The following CYFIP1 variants were observed in gnomAD, a reference collection of about 807,000 sequenced individuals.
The protein encoded by CYFIP1 is cytoplasmic FMR1 interacting protein 1.
A neutral mutation model predicts 163.5 loss-of-function variants in CYFIP1; 58 were observed. The ratio of observed to expected loss-of-function variants is 0.35; its 90% CI spans 0.29 to 0.44. CYFIP1 has a LOEUF of 0.44. Ranked by LOEUF, CYFIP1 falls within the 20% of genes least tolerant of loss-of-function variation. The pLI, the probability that CYFIP1 is intolerant of heterozygous loss-of-function variation, is 1.00. For missense variants in CYFIP1, 1,338 were observed against 1,653.8 expected (o/e 0.81, Z 3.31); for synonymous variants, 663 against 660.7 (o/e 1.00, Z -0.05).
rs181481286 is a variant in CYFIP1, at chr15:22,934,217, C to T, written c.901-324G>A. Among the ~76,000 whole-genome samples, 1,155 of 107,798 alleles carry T rather than the reference C, an allele frequency of 0.011. 43 individuals are homozygous for T. In the East Asian group the frequency reaches 0.16, roughly 14 times the overall value. 70.7% of individuals were successfully genotyped at this position (107,798 alleles called of 152,430 possible). On this transcript the variant is annotated intron_variant, in intron 9 of 30. Transcript: ENST00000617928. ...TTTTTTTTTTTTTGAGACAGAGTCT[C>T]GCTCTGTCGCCCAGGCTGGAGTGCA...
chr15:22,922,941 G>C (rs2061235211), intron 13 of CYFIP1, among the ~76,000 whole-genome samples: 1 of 151,608 alleles, frequency 6.6e-6, no homozygotes. Flanking sequence ...GCAGTGAGCT[G>C]AGATCATGCC....
At chr15:22,895,266 G>A (rs529471369) in intron 22 of CYFIP1, among the ~76,000 whole-genome samples, 11 of 152,058 alleles carry the variant, frequency 7.2e-5, no homozygotes, top group African/African-American at 2.4e-4. Context: ...TGTCTGCCTC[G>A]GCCTCCCAAA....
In CYFIP1 at chr15:22,917,379, CT is replaced by C; in HGVS notation, c.1674+408del. On this transcript the variant is annotated intron_variant, in intron 15 of 30. Transcript: ENST00000617928. The surrounding 1 kb of genome is among the most constrained non-coding windows in gnomAD (Gnocchi z 4.2). ...CACCAGGAGAGAGGACAGTGGGCAGCTTAGGACCATGACACACGCAAGCAGC... is the reference window on the plus strand; with the variant it reads ...CACCAGGAGAGAGGACAGTGGGCAGCTAGGACCATGACACACGCAAGCAGC... 1 of 1,062,410 alleles carries C rather than the reference CT, an allele frequency of 9.4e-7. No individual in the cohort carries two copies. The highest frequency in any genetic ancestry group is 1.2e-6 in the Non-Finnish European group (1 of 818,692). 65.8% of individuals were successfully genotyped at this position (1,062,410 alleles called of 1,614,324 possible).
At chr15:22,957,564 A>G (rs1208660365) in intron 1 of CYFIP1, among the ~76,000 whole-genome samples, 1 of 152,192 alleles carries the variant, frequency 6.6e-6, no homozygotes, top group South Asian at 2.1e-4. Flanking sequence ...TGAACCCAGG[A>G]GGCGGAGCTT....
Position 22,937,600 on chromosome 15 carries a change from T to TC in CYFIP1, c.796-393_796-392insG, listed in dbSNP as rs1555415333. 1.3e-5 allele frequency among the ~76,000 whole-genome samples: 2 copies of TC among 150,512 alleles called. 1 individual carries two copies. Among genetic ancestry groups the TC allele is most frequent in the African/African-American group, 4.9e-5 (2 of 41,124 alleles). On this transcript the variant is annotated intron_variant, in intron 8 of 30. Transcript: ENST00000617928. Reference sequence around the variant, plus strand: ...GGTGTATGCAAACTAAAAATTCTTTTTTTGTTTTTTTTTTTTGAGATGGAG... The same window carrying TC: ...GGTGTATGCAAACTAAAAATTCTTTTCTTTGTTTTTTTTTTTTGAGATGGAG...
chr15:22,916,649 C>T lies in CYFIP1; in HGVS notation c.1675-19G>A. 2 of 1,614,086 alleles carry T rather than the reference C, an allele frequency of 1.2e-6. No homozygotes were observed. The highest frequency in any genetic ancestry group is 1.7e-6 in the Non-Finnish European group (2 of 1,180,012). ...TGTAAAGCTGGATTATCCAAGGAAA[C>T]ATTTGTGGGGGAGAAAATATACATG... On this transcript the variant is annotated intron_variant, in intron 15 of 30. Coordinates refer to ENST00000617928, the MANE Select transcript of CYFIP1 (RefSeq NM_014608.6).
At chr15:22,957,086 G>A (rs1161909013) in intron 1 of CYFIP1, among the ~76,000 whole-genome samples, 2 of 152,270 alleles carry the variant, frequency 1.3e-5, no homozygotes, top group Non-Finnish European at 2.9e-5. Flanking sequence ...GCAGGCGGCA[G>A]TGCTGTGGCA....
Position 22,869,876 on chromosome 15 carries a change from AT to A in CYFIP1, c.*151del. The stretch of plus-strand genomic sequence containing the variant: ...GCATATACAATTTTAGTCTAGAAAA[AT>A]AAGTCAATTTTATAAAATTAAGTTT... On this transcript the variant is annotated 3_prime_UTR_variant, in exon 31 of 31. Transcript: ENST00000617928. 6.4e-6 allele frequency: 4 copies of A among 627,330 alleles called. No individual in the cohort carries two copies. The highest frequency in any genetic ancestry group is 9.5e-6 in the Non-Finnish European group (4 of 420,678). The allele number at this position is 627,330 out of a possible 1,614,324, so 38.9% of individuals were successfully genotyped here. A position where few individuals can be genotyped will look rare whatever the true frequency, so the allele number is the denominator to read the frequency against.
At chr15:22,970,014 ATTAG>A (rs1168521236) in intron 1 of CYFIP1, among the ~76,000 whole-genome samples, 7 of 152,318 alleles carry the variant, frequency 4.6e-5, no homozygotes, top group Non-Finnish European at 4.4e-5. Flanking sequence ...CATAATAATT[ATTAG>A]TTAGAGCTAA....
At position 22,964,353 on chromosome 15, in the gene CYFIP1, TCACACACACACACACACACA is replaced by T. The variant is rs71117466; in HGVS notation, c.-7+15914_-7+15933del. 2.9e-3 allele frequency among the ~76,000 whole-genome samples: 225 copies of T among 78,756 alleles called. 1 individual carries two copies. The highest frequency in any genetic ancestry group is 5.9e-3 in the South Asian group (11 of 1,866). 51.7% of individuals were successfully genotyped at this position (78,756 alleles called of 152,430 possible). A position where few individuals can be genotyped will look rare whatever the true frequency, so the allele number is the denominator to read the frequency against. On this transcript the variant is annotated intron_variant, in intron 1 of 30. Transcript: ENST00000617928. Reference sequence around the variant, plus strand: ...CCAGCAGACTCCGCAACCTCATCACTCACACACACACACACACACACACACACACACACACACACACACAC... The same window carrying T: ...CCAGCAGACTCCGCAACCTCATCACTCACACACACACACACACACACACAC...
Position 22,932,336 on chromosome 15 carries a change from T to C in CYFIP1, c.997A>G (p.Thr333Ala). 6.2e-7 allele frequency: 1 copy of C among 1,603,492 alleles called. No homozygotes were observed. Among genetic ancestry groups the C allele is most frequent in the Non-Finnish European group, 8.5e-7 (1 of 1,175,170 alleles). ...GGGCTGCTGCCGGAGGATGTGCACG[T>C]CCATCTGTGCAGAGAGAAAGCACCC... is the stretch of plus-strand genomic sequence containing the variant. ...AHYEENKSRW[T>A]CTSSGSSPQY... Residue 333 changes from threonine (T) to alanine (A), a missense_variant, in exon 11 of 31, where the codon ACG (threonine) becomes GCG (alanine). Transcript: ENST00000617928.
At chr15:22,969,174 G>C (rs1043834522) in intron 1 of CYFIP1, among the ~76,000 whole-genome samples, 1 of 152,160 alleles carries the variant, frequency 6.6e-6, no homozygotes, top group Non-Finnish European at 1.5e-5. Context: ...ATGTGAAGGG[G>C]AAAGCAAAGA....
chr15:22,876,622 G>A (rs1566915115), intron 26 of CYFIP1, among the ~76,000 whole-genome samples: 1 of 151,862 alleles, frequency 6.6e-6, no homozygotes, highest in African/African-American at 2.4e-5. Context: ...GCGGGAGGTC[G>A]GGAGTTCAAG....
intron 21 of CYFIP1, among the ~76,000 whole-genome samples, chr15:22,906,115 T>C (rs1001189595): frequency 2.6e-5 from 4 of 151,846 alleles, no homozygotes; most frequent in African/African-American, 9.7e-5. Flanking sequence ...ATTTATTTTT[T>C]TTTTTCTTTG....
At chr15:22,944,522 G>A (rs1228542388) in intron 5 of CYFIP1, 36 bp downstream of exon 5, 17 of 1,410,254 alleles carry the variant, frequency 1.2e-5, no homozygotes, top group Non-Finnish European at 1.6e-5. Context: ...CCCACCCCTC[G>A]GTGTTACACC....
chr15:22,939,067 G>A, intron 8 of CYFIP1, 125 bp downstream of exon 8: 3 of 1,228,460 alleles, frequency 2.4e-6, no homozygotes, highest in Non-Finnish European at 3.5e-6. Context: ...GCAGGACGCT[G>A]TTCACACATG....
At position 22,868,664 on chromosome 15, in the gene CYFIP1, A is replaced by C. The variant is rs926140844; in HGVS notation, c.*1364T>G. 2.1e-5 allele frequency: 3 copies of C among 142,852 alleles called. No individual in the cohort carries two copies. The highest frequency in any genetic ancestry group is 4.2e-4 in the East Asian group (2 of 4,796). 8.8% of individuals were successfully genotyped at this position (142,852 alleles called of 1,614,324 possible). On this transcript the variant is annotated 3_prime_UTR_variant, in exon 31 of 31. Transcript: ENST00000617928. ...ACTTGAGTGAGTTTGGCAGTGTAACAGGATGGTTCGTACACTTACTACTTT... is the reference window on the plus strand; with the variant it reads ...ACTTGAGTGAGTTTGGCAGTGTAACCGGATGGTTCGTACACTTACTACTTT...
At chr15:22,979,650 T>G (rs1454090037) in intron 1 of CYFIP1, among the ~76,000 whole-genome samples, 3 of 152,168 alleles carry the variant, frequency 2.0e-5, no homozygotes, top group Non-Finnish European at 4.4e-5. Context: ...TGCTGCAAAT[T>G]AAGCTCACGC....
intron 11 of CYFIP1, among the ~76,000 whole-genome samples, chr15:22,929,633 A>G (rs1279415582): frequency 9.3e-6 from 1 of 107,026 alleles, no homozygotes; most frequent in Non-Finnish European, 2.1e-5. Context: ...CTCTGTCTCA[A>G]AAAAAAAAAA....
Sources: gnomAD v4.1 joint callset for allele counts (sites outside exome capture counted in the v4.1 genomes callset) on GRCh38, gnomAD v4.1.1 for gene constraint, Gnocchi (gnomAD v3.1) non-coding constraint, MANE v1.5 for transcripts, NCBI Gene and HGNC (gene_info 2026-07-23, HGNC 2026-07-21) for gene names.